Variants in CDH26 observed in about 807,000 individuals in gnomAD.
CDH26 encodes cadherin-like protein 26.
CDH26 carries 83 observed loss-of-function variants against 90.3 expected under a neutral mutation model. That is an observed-to-expected ratio of 0.92 (90% CI 0.77 to 1.10). CDH26 has a LOEUF of 1.10. Among genes scored for constraint, CDH26 ranks in the 50% least tolerant of loss-of-function variants. The pLI, the probability that CDH26 is intolerant of heterozygous loss-of-function variation, is 0.00. For synonymous variants in CDH26, 397 were observed against 396.3 expected, an observed-to-expected ratio of 1.00 and a Z score of -0.02; for missense variants, 1,013 against 1,037.6, an observed-to-expected ratio of 0.98 and a Z score of 0.33.
chr20:59,999,110 C>T (rs1182088460), intron 13 of CDH26, among the ~76,000 whole-genome samples: 5 of 152,160 alleles, frequency 3.3e-5, no homozygotes, highest in Non-Finnish European at 5.9e-5. Flanking sequence ...TGCATAGATG[C>T]CTTCCCTGCA....
chr20:59,991,817 T>G (rs894044808), intron 9 of CDH26, among the ~76,000 whole-genome samples: 1 of 152,142 alleles, frequency 6.6e-6, no homozygotes, highest in South Asian at 2.1e-4. Flanking sequence ...TTGCAAAGGA[T>G]GCAATCCAAT....
rs1399847690 is a variant in CDH26, at chr20:60,030,056, T to A, written c.948-1175T>A. Among the ~76,000 whole-genome samples, 1 of 152,196 alleles carries A rather than the reference T, an allele frequency of 6.6e-6. No individual in the cohort carries two copies. The highest frequency in any genetic ancestry group is 2.1e-4 in the South Asian group (1 of 4,830). On this transcript the variant is annotated intron_variant, in intron 7 of 8. Coordinates refer to the CDH26 transcript ENST00000370991. This position sits in a 1 kb window ranked among gnomAD's most constrained non-coding sequence, Gnocchi z 4.0. ...AGAAAGAAAGTGAACTGGGGATCCC[T>A]TCTGCCACCTTCCCCCACAACCCCT...
At position 59,982,921 on chromosome 20, in the gene CDH26, A is replaced by G. The variant is rs201613457; in HGVS notation, c.394-2A>G. The stretch of plus-strand genomic sequence containing the variant: ...GGATTTTTACAGCTCTCTGCTTCCT[A>G]GGTTTATTTTGATGTTGTGGAGCGC... On this transcript the variant is annotated splice_acceptor_variant, in intron 4 of 17. Coordinates refer to ENST00000348616, the MANE Select transcript of CDH26 (RefSeq NM_177980.4). LOFTEE classifies it high-confidence loss of function. 258 of 1,612,320 alleles carry G rather than the reference A, an allele frequency of 1.6e-4. 1 individual carries two copies. The Middle Eastern group carries it at 1.7e-3, about 10-fold the overall frequency.
At chr20:60,033,934 TTAC>T in exon 9 of CDH26, 1 of 263,508 alleles carries the variant, frequency 3.8e-6, no homozygotes, top group Non-Finnish European at 6.2e-6. Context: ...CATGTAAGAA[TTAC>T]TTTTTCTCTT....
intron 7 of CDH26, among the ~76,000 whole-genome samples, chr20:60,023,172 G>A (rs528500018): frequency 1.3e-5 from 2 of 152,350 alleles, no homozygotes; most frequent in Admixed American, 6.5e-5. Context: ...TGTAGTGCAG[G>A]ATAGAAGAGG....
Position 60,002,827 on chromosome 20 carries a change from C to G in CDH26, c.2181C>G (p.Pro727=). ...CTTTCTTTAAGGGTTATGGCAAGCC[C>G]TTTGAGCCAAGAAGTGTGAAAAACA... The part of the protein sequence containing the change: ...CALGSWGYGK[P]FEPRSVKNIH... Residue 727 remains proline (P), a synonymous_variant, in exon 16 of 18, where the codon CCC becomes CCG. Coordinates refer to ENST00000348616, the MANE Select transcript of CDH26 (RefSeq NM_177980.4). 1 of 1,601,560 alleles carries G rather than the reference C, an allele frequency of 6.2e-7. No individual in the cohort carries two copies. The highest frequency in any genetic ancestry group is 8.5e-7 in the Non-Finnish European group (1 of 1,172,396).
At chr20:60,011,237 G>A (rs1011465187) in intron 17 of CDH26, among the ~76,000 whole-genome samples, 7 of 152,200 alleles carry the variant, frequency 4.6e-5, no homozygotes, top group African/African-American at 1.4e-4. Context: ...CAGCTGGGCT[G>A]TAGGGGATGT....
intron 7 of CDH26, among the ~76,000 whole-genome samples, chr20:60,025,017 G>T (rs1198538683): frequency 6.6e-6 from 1 of 152,206 alleles, no homozygotes. Context: ...GGGACTATCT[G>T]CAGAGCTTGG....
At chr20:59,969,571 T>G (rs1166159571) in intron 2 of CDH26, among the ~76,000 whole-genome samples, 1 of 152,228 alleles carries the variant, frequency 6.6e-6, no homozygotes, top group Non-Finnish European at 1.5e-5. Flanking sequence ...TTTCATATAT[T>G]CTCTTACCTG....
chr20:60,010,564 G>T (rs769275474), intron 17 of CDH26, among the ~76,000 whole-genome samples: 8 of 152,202 alleles, frequency 5.3e-5, no homozygotes, highest in Non-Finnish European at 1.0e-4. Flanking sequence ...ACAGAGAGAT[G>T]ACTTGGGTCC....
In CDH26 at chr20:60,030,707, G is replaced by A. The variant is rs985649702; in HGVS notation, c.948-524G>A. ...GTTGCAGCAACCTTGAGAACATGAG[G>A]GGAAGAGGCAGAGTGGTTGGGGGCC... is the stretch of plus-strand genomic sequence containing the variant. On this transcript the variant is annotated intron_variant, in intron 7 of 8. Coordinates refer to the CDH26 transcript ENST00000370991. The surrounding 1 kb of genome is among the most constrained non-coding windows in gnomAD (Gnocchi z 4.0). Among the ~76,000 whole-genome samples, 8 of 152,152 alleles carry A rather than the reference G, an allele frequency of 5.3e-5. No homozygotes were observed. Among genetic ancestry groups the A allele is most frequent in the African/African-American group, 1.2e-4 (5 of 41,426 alleles).
rs1207065633 is a variant in CDH26 at position 59,987,388 on chromosome 20, C to A, written c.838-65C>A. ...CTCTCTGCTTCTCTCCCTCCTTCCTCTCTGCTTTCCTTTTCAATTGTGTTT... is the reference window on the plus strand; with the variant it reads ...CTCTCTGCTTCTCTCCCTCCTTCCTATCTGCTTTCCTTTTCAATTGTGTTT... On this transcript the variant is annotated intron_variant, in intron 7 of 17. Transcript: ENST00000348616. 6 of 1,348,968 alleles carry A rather than the reference C, an allele frequency of 4.4e-6. No individual in the cohort carries two copies. The East Asian group carries it at 1.5e-4, about 33-fold the overall frequency. 83.6% of individuals were successfully genotyped at this position (1,348,968 alleles called of 1,614,324 possible).
intron 8 of CDH26, chr20:60,033,373 T>C (rs1601237657): frequency 6.6e-6 from 8 of 1,210,162 alleles, no homozygotes; most frequent in East Asian, 5.8e-5. Flanking sequence ...CCTTCCTTCA[T>C]GCATACATGC....
At chr20:59,967,984 T>TTTC (rs2061194344) in intron 1 of CDH26, among the ~76,000 whole-genome samples, 1 of 134,546 alleles carries the variant, frequency 7.4e-6, no homozygotes, top group Non-Finnish European at 1.5e-5. Context: ...TCTTTCTTTC[T>TTTC]TTCTTTCTTT....
chr20:59,968,518 G>A (rs2061207929), intron 1 of CDH26, among the ~76,000 whole-genome samples: 2 of 152,174 alleles, frequency 1.3e-5, no homozygotes, highest in South Asian at 4.1e-4. Context: ...AATGTAAAGT[G>A]CCATGTCTAT....
intron 4 of CDH26, among the ~76,000 whole-genome samples, chr20:59,982,699 G>A (rs1177843760): frequency 6.6e-6 from 1 of 152,148 alleles, no homozygotes; most frequent in African/African-American, 2.4e-5. Flanking sequence ...TTCCAAGCCA[G>A]AGCATTGGCT....
intron 4 of CDH26, among the ~76,000 whole-genome samples, chr20:59,976,318 T>C (rs2061327808): frequency 1.3e-5 from 2 of 152,200 alleles, no homozygotes; most frequent in South Asian, 2.1e-4. Flanking sequence ...GTGCAGAAAA[T>C]GTCCATGACA....
intron 6 of CDH26, 88 bp downstream of exon 6, chr20:59,984,893 C>A (rs988886389): frequency 4.5e-6 from 7 of 1,555,482 alleles, no homozygotes; most frequent in Non-Finnish European, 6.1e-6. Context: ...TAGTGGGGAA[C>A]CCTCTGTGGC....
rs2061261221 is a variant in CDH26 at position 59,971,553 on chromosome 20, T to C, written c.232-409T>C. Reference sequence around the variant, plus strand: ...GTTCCAGATATTTCTCTACAGATTTTCTGATGTGAATCTGCATCCAAGAAA... The same window carrying C: ...GTTCCAGATATTTCTCTACAGATTTCCTGATGTGAATCTGCATCCAAGAAA... On this transcript the variant is annotated intron_variant, in intron 3 of 17. Coordinates refer to ENST00000348616, the MANE Select transcript of CDH26 (RefSeq NM_177980.4). Among the ~76,000 whole-genome samples, 5 of 152,246 alleles carry C rather than the reference T, an allele frequency of 3.3e-5. No homozygotes were observed. The South Asian group carries it at 1.0e-3, about 32-fold the overall frequency.
Sources: gnomAD v4.1 joint callset for allele counts (sites outside exome capture counted in the v4.1 genomes callset) on GRCh38, gnomAD v4.1.1 for gene constraint, Gnocchi (gnomAD v3.1) non-coding constraint, MANE v1.5 for transcripts, NCBI Gene and HGNC (gene_info 2026-07-23, HGNC 2026-07-21) for gene names.